DLGAP1: variants seen among roughly 807,000 people sequenced by gnomAD.
The protein encoded by DLGAP1 is disks large-associated protein 1.
A neutral mutation model predicts 90.8 loss-of-function variants in DLGAP1; 11 were observed. That is an observed-to-expected ratio of 0.12 (90% CI 0.08 to 0.20). The LOEUF is 0.20. Ranked by LOEUF, DLGAP1 falls within the 10% of genes least tolerant of loss-of-function variation. The probability of loss-of-function intolerance (pLI) is 1.00; values close to 1 mark genes in which losing one functional copy is unlikely to be tolerated. For missense variants in DLGAP1, 1,050 were observed against 1,333.8 expected (o/e 0.79, Z 3.31); for synonymous variants, 558 against 540.7 (o/e 1.03, Z -0.44).
intron 7 of DLGAP1, among the ~76,000 whole-genome samples, chr18:3,583,195 T>TTCCTTCCTTCCTTCCTTCCC (rs768209134): frequency 0.011 from 1,640 of 147,644 alleles, 24 homozygotes; most frequent in Non-Finnish European, 0.019. Flanking sequence ...CCTTCCTTCC[T>TTCCTTCCTTCCTTCCTTCCC]TCCTTCCTTC....
intron 3 of DLGAP1, among the ~76,000 whole-genome samples, chr18:3,935,403 T>C (rs1287366101): frequency 1.3e-5 from 2 of 152,208 alleles, no homozygotes; most frequent in African/African-American, 4.8e-5. Flanking sequence ...AATGAAAGGT[T>C]AGCAGTATTT....
rs78777136 is a variant in DLGAP1 at position 4,299,103 on chromosome 18, A to C, written c.-266-147816T>G. Among the ~76,000 whole-genome samples, 274 of 137,850 alleles carry C rather than the reference A, an allele frequency of 2.0e-3. 1 individual carries two copies. Among genetic ancestry groups the C allele is most frequent in the South Asian group, 7.1e-3 (31 of 4,390 alleles). 90.4% of individuals were successfully genotyped at this position (137,850 alleles called of 152,430 possible). ...CTCAAGACAAAAAAAAAAAAAAAAA[A>C]AAAAAAATAGAAGCAAATTCTTGGG... On this transcript the variant is annotated intron_variant, in intron 1 of 12. Coordinates refer to ENST00000315677, the MANE Select transcript of DLGAP1 (RefSeq NM_004746.4).
intron 2 of DLGAP1, among the ~76,000 whole-genome samples, chr18:4,062,380 A>T (rs1376529577): frequency 6.6e-6 from 1 of 151,380 alleles, no homozygotes; most frequent in Non-Finnish European, 1.5e-5. Flanking sequence ...CTCATACCTC[A>T]TCTACACAGT....
intron 2 of DLGAP1, among the ~76,000 whole-genome samples, chr18:4,117,473 C>A (rs2144071012): frequency 6.6e-6 from 1 of 152,296 alleles, no homozygotes; most frequent in South Asian, 2.1e-4. Flanking sequence ...GCTTTGATGA[C>A]TTAAACTCTA....
chr18:4,262,699 G>A (rs544527245), intron 1 of DLGAP1, among the ~76,000 whole-genome samples: 2 of 152,242 alleles, frequency 1.3e-5, no homozygotes, highest in African/African-American at 2.4e-5. Flanking sequence ...CACACTCTCT[G>A]TACCCAGACT....
At chr18:4,003,907 T>C (rs1383087989) in intron 3 of DLGAP1, among the ~76,000 whole-genome samples, 1 of 152,172 alleles carries the variant, frequency 6.6e-6, no homozygotes, top group Non-Finnish European at 1.5e-5. Context: ...GTAAGATGAT[T>C]TGAAGACAGA....
intron 1 of DLGAP1, among the ~76,000 whole-genome samples, chr18:4,168,974 A>C (rs957364330): frequency 6.6e-6 from 1 of 152,124 alleles, no homozygotes; most frequent in Non-Finnish European, 1.5e-5. Flanking sequence ...GGTTGTTTCC[A>C]CCTTTTGGCT....
chr18:3,676,567 C>T (rs1837651775), intron 7 of DLGAP1, among the ~76,000 whole-genome samples: 2 of 152,106 alleles, frequency 1.3e-5, no homozygotes, highest in East Asian at 3.9e-4. Flanking sequence ...CTTCAAGGTC[C>T]TACAAAAACC....
chr18:3,935,213 A>G (rs559990981), intron 3 of DLGAP1, among the ~76,000 whole-genome samples: 1 of 152,368 alleles, frequency 6.6e-6, no homozygotes, highest in African/African-American at 2.4e-5. Context: ...AGGTATAAAT[A>G]TCCTCATTTT....
intron 2 of DLGAP1, among the ~76,000 whole-genome samples, chr18:4,024,744 G>A (rs1475918468): frequency 6.6e-6 from 1 of 152,138 alleles, no homozygotes. Context: ...CCTTTACATA[G>A]TATAGCTGTG....
At chr18:3,574,142 C>A (rs1053280174) in intron 8 of DLGAP1, among the ~76,000 whole-genome samples, 1 of 152,206 alleles carries the variant, frequency 6.6e-6, no homozygotes, top group Non-Finnish European at 1.5e-5. Context: ...ATATACTATT[C>A]TCATTCCTAA....
intron 7 of DLGAP1, among the ~76,000 whole-genome samples, chr18:3,613,213 TACA>T (rs2057712834): frequency 6.6e-6 from 1 of 152,194 alleles, no homozygotes; most frequent in African/African-American, 2.4e-5. Context: ...ATTTTCAGGT[TACA>T]TGAATTGTTG....
At chr18:3,585,361 T>A (rs2055817983) in intron 7 of DLGAP1, among the ~76,000 whole-genome samples, 1 of 152,318 alleles carries the variant, frequency 6.6e-6, no homozygotes, top group East Asian at 1.9e-4. Flanking sequence ...GGAGTAACGC[T>A]CATCTCAGTG....
chr18:4,361,776 C>G (rs1053641196), intron 1 of DLGAP1, among the ~76,000 whole-genome samples: 1 of 151,902 alleles, frequency 6.6e-6, no homozygotes, highest in African/African-American at 2.4e-5. Context: ...AAGACAGTAA[C>G]AGCAGAGAAA....
At chr18:3,871,381 T>G (rs536663217) in intron 4 of DLGAP1, among the ~76,000 whole-genome samples, 213 of 151,322 alleles carry the variant, frequency 1.4e-3, no homozygotes, top group African/African-American at 4.8e-3. Context: ...ATTCTAAAAT[T>G]GTCATTTTAA....
chr18:3,879,447 GGTT>G lies in DLGAP1; in HGVS notation c.619_621del (p.Asn207del). 1 of 1,607,990 alleles carries G rather than the reference GGTT, an allele frequency of 6.2e-7. No homozygotes were observed. The highest frequency in any genetic ancestry group is 1.1e-5 in the South Asian group (1 of 91,088). On this transcript the variant is annotated inframe_deletion, in exon 4 of 13. Coordinates refer to ENST00000315677, the MANE Select transcript of DLGAP1 (RefSeq NM_004746.4). The surrounding 1 kb of genome is among the most constrained non-coding windows in gnomAD (Gnocchi z 6.6). ...TGGTAGATGCACATGTCACCATCCA[GGTT>G]GTCGTCCGAGCTCCACCAGCCCGGG...
chr18:4,441,213 G>C (rs2083528769), intron 1 of DLGAP1, among the ~76,000 whole-genome samples: 1 of 152,102 alleles, frequency 6.6e-6, no homozygotes, highest in African/African-American at 2.4e-5. Context: ...CTTTCAAATA[G>C]ATTACTCAAT....
intron 1 of DLGAP1, among the ~76,000 whole-genome samples, chr18:4,423,347 G>A (rs2144695471): frequency 6.6e-6 from 1 of 152,220 alleles, no homozygotes; most frequent in South Asian, 2.1e-4. Context: ...GTGAGAAATG[G>A]CACACAATTA....
At chr18:3,990,845 T>C (rs1043678281) in intron 3 of DLGAP1, among the ~76,000 whole-genome samples, 5 of 151,864 alleles carry the variant, frequency 3.3e-5, no homozygotes, top group African/African-American at 1.2e-4. Context: ...GAGGCAGATA[T>C]AGGAATTTAG....
Sources: allele counts gnomAD v4.1 joint callset (sites outside exome capture counted in the v4.1 genomes callset), GRCh38; gene constraint gnomAD v4.1.1; non-coding constraint Gnocchi (gnomAD v3.1); transcripts MANE v1.5; gene names NCBI Gene and HGNC (gene_info 2026-07-23, HGNC 2026-07-21).